PCDHA4: variants seen among roughly 807,000 people sequenced by gnomAD.
The protein encoded by PCDHA4 is protocadherin alpha-4.
Under a neutral mutation model 61.4 loss-of-function variants are expected in PCDHA4, and 49 were observed. That is an observed-to-expected ratio of 0.80 (90% confidence interval 0.63 to 1.01). PCDHA4 has a LOEUF of 1.01. Among genes scored for constraint, PCDHA4 ranks in the 50% least tolerant of loss-of-function variants. The probability of loss-of-function intolerance (pLI) is 0.00; values close to 1 mark genes in which losing one functional copy is unlikely to be tolerated. For synonymous variants in PCDHA4, 590 were observed against 550.3 expected (o/e 1.07, Z -1.01); for missense variants, 1,254 against 1,235.8 (o/e 1.01, Z -0.22).
At chr5:140,838,691 T>G (rs1554137147) in intron 1 of PCDHA4, among the ~76,000 whole-genome samples, 2 of 151,996 alleles carry the variant, frequency 1.3e-5, no homozygotes, top group African/African-American at 4.8e-5. Context: ...ACCCCAACAT[T>G]TCGGGAGGCC....
intron 1 of PCDHA4, chr5:140,877,301 A>G: frequency 1.2e-6 from 2 of 1,613,876 alleles, no homozygotes. Context: ...CTGTCCTACG[A>G]GTTGCAACCG....
chr5:140,909,280 T>C (rs1353122604), intron 1 of PCDHA4, among the ~76,000 whole-genome samples: 3 of 152,212 alleles, frequency 2.0e-5, no homozygotes, highest in African/African-American at 7.2e-5. Flanking sequence ...TTGCTTCTGG[T>C]GGGCCTTATG....
chr5:140,807,418 A>C lies in PCDHA4; in HGVS notation c.231A>C (p.Val77=). The C allele has an allele frequency of 6.3e-7, 1 of 1,591,824 alleles. No homozygotes were observed. The highest frequency in any genetic ancestry group is 8.5e-7 in the Non-Finnish European group (1 of 1,171,214). Residue 77 remains valine (V), a synonymous_variant, in exon 1 of 4, where the codon GTA becomes GTC. Coordinates refer to ENST00000530339, the MANE Select transcript of PCDHA4 (RefSeq NM_018907.4). ...ASKGRGGLLE[V]NLQNGILFVN... ...AGGGCCGCGGAGGCCTTCTGGAGGT[A>C]AATCTGCAGAATGGCATTTTGTTTG...
At chr5:140,845,107 C>T (rs1420580197) in intron 1 of PCDHA4, among the ~76,000 whole-genome samples, 2 of 149,448 alleles carry the variant, frequency 1.3e-5, no homozygotes, top group East Asian at 1.9e-4. Flanking sequence ...CTCTTAATGC[C>T]TGTCCATGTT....
intron 1 of PCDHA4, among the ~76,000 whole-genome samples, chr5:140,872,413 G>A (rs2053647330): frequency 6.6e-6 from 1 of 151,990 alleles, no homozygotes; most frequent in Admixed American, 6.6e-5. Flanking sequence ...AATTGCTTGA[G>A]CCCAAGAGTT....
chr5:140,945,425 G>T (rs246059), intron 1 of PCDHA4, among the ~76,000 whole-genome samples: 85,681 of 151,722 alleles, frequency 0.56, 24,785 homozygotes, highest in African/African-American at 0.69. Flanking sequence ...TTTCAATGAA[G>T]TTTTTACAGA....
Position 140,849,726 on chromosome 5 carries a change from A to G in PCDHA4, c.2385+40154A>G, listed in dbSNP as rs1554143227. 2.5e-6 allele frequency: 4 copies of G among 1,598,410 alleles called. 1 individual carries two copies. Among genetic ancestry groups the G allele is most frequent in the Non-Finnish European group, 3.4e-6 (4 of 1,168,000 alleles). On this transcript the variant is annotated intron_variant, in intron 1 of 3. Transcript: ENST00000530339. ...GAATTACTACTCGTTGGTGCTGGAC[A>G]GAGCTCTGGACCGCGAGAGTGTGTC...
At position 140,990,371 on chromosome 5, in the gene PCDHA4, A is replaced by G. The variant is rs570757505; in HGVS notation, c.2533+7808A>G. Reference sequence around the variant, plus strand: ...CCTGTACAGAAAATCTAATAAAGCAAATTTGTTGGTGATGTTCCAAGAAGG... The same window carrying G: ...CCTGTACAGAAAATCTAATAAAGCAGATTTGTTGGTGATGTTCCAAGAAGG... On this transcript the variant is annotated intron_variant, in intron 3 of 3. Coordinates refer to ENST00000530339, the MANE Select transcript of PCDHA4 (RefSeq NM_018907.4). 7.2e-5 allele frequency among the ~76,000 whole-genome samples: 11 copies of G among 152,154 alleles called. No homozygotes were observed. The East Asian group carries it at 1.9e-3, about 27-fold the overall frequency.
In PCDHA4 at chr5:140,849,850, C is replaced by A. The variant is rs17844329; in HGVS notation, c.2385+40278C>A. ...GAGGTGGCCGACGTGAACGACAACG[C>A]ACCAGCGTTCGCGCAGTCCGAGTAC... On this transcript the variant is annotated intron_variant, in intron 1 of 3. Transcript: ENST00000530339. The A allele has an allele frequency of 2.5e-4, 392 of 1,598,618 alleles. 6 individuals carry two copies. The East Asian group carries it at 8.6e-3, about 35-fold the overall frequency.
chr5:140,915,324 T>G (rs782080439), intron 1 of PCDHA4, among the ~76,000 whole-genome samples: 1 of 152,210 alleles, frequency 6.6e-6, no homozygotes, highest in Non-Finnish European at 1.5e-5. Flanking sequence ...ATTACAGTGT[T>G]ATAATATTCT....
intron 3 of PCDHA4, among the ~76,000 whole-genome samples, chr5:140,987,510 C>A (rs1225122300): frequency 6.6e-6 from 1 of 152,184 alleles, no homozygotes; most frequent in Non-Finnish European, 1.5e-5. Flanking sequence ...ACCTCTGCCA[C>A]TCAGTAATTG....
intron 1 of PCDHA4, among the ~76,000 whole-genome samples, chr5:140,892,640 T>C (rs1250881102): frequency 2.0e-5 from 3 of 152,208 alleles, no homozygotes; most frequent in Non-Finnish European, 4.4e-5. Flanking sequence ...ATTGTACATA[T>C]TTATAGGATA....
chr5:140,967,515 C>G, intron 1 of PCDHA4: 1 of 1,612,792 alleles, frequency 6.2e-7, no homozygotes, highest in Non-Finnish European at 8.5e-7. Flanking sequence ...GTCCTGGACA[C>G]TAACGACAAC....
chr5:140,857,262 C>A (rs969366268), intron 1 of PCDHA4: 1 of 1,598,710 alleles, frequency 6.3e-7, no homozygotes, highest in Non-Finnish European at 8.6e-7. Context: ...AATTACTACT[C>A]ATTGGTGCTG....
At chr5:140,814,223 T>TTTG (rs1554126424) in intron 1 of PCDHA4, 1 of 152,626 alleles carries the variant, frequency 6.6e-6, no homozygotes, top group Non-Finnish European at 1.5e-5. Flanking sequence ...AGTGTTTTTT[T>TTTG]TTGTTGTTGT....
At chr5:140,857,037 T>C in intron 1 of PCDHA4, 1 of 1,596,258 alleles carries the variant, frequency 6.3e-7, no homozygotes, top group Non-Finnish European at 8.6e-7. Context: ...CCACCTATGG[T>C]TGGTCACTGC....
intron 1 of PCDHA4, chr5:140,929,344 A>G: frequency 6.5e-7 from 1 of 1,531,050 alleles, no homozygotes; most frequent in South Asian, 1.3e-5. Flanking sequence ...ATTTTATGGA[A>G]TTTGATTCCT....
At chr5:140,849,934 G>C (rs2150458402) in intron 1 of PCDHA4, 4 of 1,598,054 alleles carry the variant, frequency 2.5e-6, no homozygotes, top group Non-Finnish European at 3.4e-6. Flanking sequence ...GTGTCTGCGC[G>C]GGACGCTGAC....
chr5:140,829,874 C>T lies in PCDHA4; in HGVS notation c.2385+20302C>T, dbSNP rs2150176706. ...TGCAGGCCAAGTGGTGGCGAAGGTGCGCGCAGTTGACGCCGACTCAGGCTA... is the reference window on the plus strand; with the variant it reads ...TGCAGGCCAAGTGGTGGCGAAGGTGTGCGCAGTTGACGCCGACTCAGGCTA... On this transcript the variant is annotated intron_variant, in intron 1 of 3. Transcript: ENST00000530339. The T allele has an allele frequency of 1.2e-5, 19 of 1,613,808 alleles. No individual in the cohort carries two copies. In the South Asian group the frequency reaches 1.8e-4, roughly 15 times the overall value.
Sources: gnomAD v4.1 joint callset for allele counts (sites outside exome capture counted in the v4.1 genomes callset) on GRCh38, gnomAD v4.1.1 for gene constraint, MANE v1.5 for transcripts, NCBI Gene and HGNC (gene_info 2026-07-23, HGNC 2026-07-21) for gene names.